Variants in NELL2 observed in about 807,000 individuals in gnomAD.
The protein encoded by NELL2 is protein kinase C-binding protein NELL2.
A neutral mutation model predicts 109.6 loss-of-function variants in NELL2; 41 were observed. That is an observed-to-expected ratio of 0.37 (90% CI 0.29 to 0.49). The LOEUF is 0.49. Ranked by LOEUF, NELL2 falls within the 20% of genes least tolerant of loss-of-function variation. The pLI is 0.98. For missense variants in NELL2, 900 were observed against 1,008.3 expected, an observed-to-expected ratio of 0.89 and a Z score of 1.45; for synonymous variants, 355 against 344.7, an observed-to-expected ratio of 1.03 and a Z score of -0.33.
At chr12:44,624,934 T>C (rs1946185575) in intron 13 of NELL2, among the ~76,000 whole-genome samples, 1 of 148,742 alleles carries the variant, frequency 6.7e-6, no homozygotes, top group Admixed American at 6.8e-5. Flanking sequence ...AATCATAATG[T>C]GAAACTCTTG....
chr12:44,798,638 A>G (rs536038483), intron 3 of NELL2, among the ~76,000 whole-genome samples: 1 of 152,304 alleles, frequency 6.6e-6, no homozygotes, highest in South Asian at 2.1e-4. Context: ...ATTATAAAGA[A>G]ATGTGAAAAA....
intron 12 of NELL2, among the ~76,000 whole-genome samples, chr12:44,678,090 T>G (rs1324855710): frequency 2.0e-5 from 3 of 151,920 alleles, no homozygotes; most frequent in African/African-American, 7.3e-5. Context: ...ACAATTAAAA[T>G]GGATACCTGG....
chr12:44,713,319 A>T (rs1162854958), intron 10 of NELL2, among the ~76,000 whole-genome samples: 1 of 151,740 alleles, frequency 6.6e-6, no homozygotes, highest in Non-Finnish European at 1.5e-5. Context: ...CAAAATTTTA[A>T]TGTTAGAGAT....
At chr12:44,787,214 A>T (rs940060946) in intron 3 of NELL2, among the ~76,000 whole-genome samples, 2 of 150,726 alleles carry the variant, frequency 1.3e-5, no homozygotes, top group African/African-American at 2.4e-5. Context: ...TGTAAATCTA[A>T]CAAAACACAA....
upstream of NELL2, chr12:44,876,351 C>G: frequency 8.3e-7 from 1 of 1,206,264 alleles, no homozygotes; most frequent in African/African-American, 1.6e-5. Context: ...AGAGACTGCT[C>G]CTCCGGGGAG....
intron 15 of NELL2, among the ~76,000 whole-genome samples, chr12:44,588,286 G>A (rs1284615907): frequency 6.6e-6 from 1 of 152,170 alleles, no homozygotes; most frequent in Non-Finnish European, 1.5e-5. Flanking sequence ...TAAGCACCAT[G>A]GCTGAGTTTG....
chr12:44,744,665 A>C (rs1328568875), intron 9 of NELL2, among the ~76,000 whole-genome samples: 1 of 152,238 alleles, frequency 6.6e-6, no homozygotes, highest in Non-Finnish European at 1.5e-5. Flanking sequence ...AGAGAATACT[A>C]TAAAGACAAC....
intron 13 of NELL2, among the ~76,000 whole-genome samples, chr12:44,641,469 T>TA (rs1367730240): frequency 6.6e-6 from 1 of 152,036 alleles, no homozygotes; most frequent in Non-Finnish European, 1.5e-5. Flanking sequence ...CCTGACAACG[T>TA]AAGAAAACCA....
At chr12:44,745,459 G>A (rs1940283916) in intron 9 of NELL2, among the ~76,000 whole-genome samples, 1 of 152,092 alleles carries the variant, frequency 6.6e-6, no homozygotes, top group South Asian at 2.1e-4. Context: ...AGGGCAGTCA[G>A]GCAGGAGAAG....
intron 1 of NELL2, among the ~76,000 whole-genome samples, chr12:44,893,740 C>T (rs77388924): frequency 0.01 from 1,595 of 152,204 alleles, 31 homozygotes; most frequent in East Asian, 0.048. Flanking sequence ...TTTTGAATGT[C>T]CATGTAGCAT....
In NELL2 at chr12:44,777,224, A is replaced by C; in HGVS notation, c.679+18T>G. The C allele has an allele frequency of 6.2e-7, 1 of 1,612,664 alleles. No individual in the cohort carries two copies. Among genetic ancestry groups the C allele is most frequent in the Non-Finnish European group, 8.5e-7 (1 of 1,178,652 alleles). ...GTAATATATGGGGACTCCACAGTGC[A>C]AGAACTAATAGACTTACTGCGATTA... On this transcript the variant is annotated intron_variant, in intron 6 of 19. Transcript: ENST00000429094.
At chr12:44,744,812 T>C (rs1940227680) in intron 9 of NELL2, among the ~76,000 whole-genome samples, 2 of 152,166 alleles carry the variant, frequency 1.3e-5, no homozygotes, top group Non-Finnish European at 2.9e-5. Flanking sequence ...CAATAATCAA[T>C]AGCTTACCAA....
chr12:44,688,777 A>T (rs570261728), intron 12 of NELL2, among the ~76,000 whole-genome samples: 1 of 152,340 alleles, frequency 6.6e-6, no homozygotes, highest in African/African-American at 2.4e-5. Context: ...GCACACATAA[A>T]TCTGCAAAGT....
intron 15 of NELL2, among the ~76,000 whole-genome samples, chr12:44,553,867 C>CCA (rs143007715): frequency 1.3e-5 from 2 of 151,972 alleles, no homozygotes; most frequent in Non-Finnish European, 1.5e-5. Context: ...ACACATTATT[C>CCA]CACACACACA....
chr12:44,665,378 T>G (rs527485474), intron 13 of NELL2, 106 bp downstream of exon 13: 2 of 927,788 alleles, frequency 2.2e-6, no homozygotes, highest in Non-Finnish European at 3.1e-6. Context: ...TGCTAATGTT[T>G]TGTTGTATTT....
intron 13 of NELL2, among the ~76,000 whole-genome samples, chr12:44,618,054 C>T (rs1156772883): frequency 2.6e-5 from 4 of 152,146 alleles, no homozygotes; most frequent in South Asian, 2.1e-4. Flanking sequence ...CTTGTGATTA[C>T]CTTATTTACT....
intron 9 of NELL2, among the ~76,000 whole-genome samples, chr12:44,717,979 G>A (rs1938577635): frequency 6.6e-6 from 1 of 152,146 alleles, no homozygotes; most frequent in Admixed American, 6.6e-5. Context: ...TGTCTATTAC[G>A]TTAATTCACT....
chr12:44,851,564 T>A (rs1240110660), intron 2 of NELL2: 3 of 152,232 alleles, frequency 2.0e-5, no homozygotes, highest in African/African-American at 7.2e-5. Context: ...CTGTCATTTT[T>A]ACTACCAGTA....
At chr12:44,654,412 G>A (rs17651646) in intron 13 of NELL2, among the ~76,000 whole-genome samples, 8,964 of 152,198 alleles carry the variant, frequency 0.059, 388 homozygotes, top group Non-Finnish European at 0.09. Flanking sequence ...AATACTCATC[G>A]TTTGTGGTAG....
Sources: allele counts gnomAD v4.1 joint callset (sites outside exome capture counted in the v4.1 genomes callset), GRCh38; gene constraint gnomAD v4.1.1; transcripts MANE v1.5; gene names NCBI Gene and HGNC (gene_info 2026-07-23, HGNC 2026-07-21).